Variants in ABL2 observed in about 807,000 individuals in gnomAD.
The protein encoded by ABL2 is ABL proto-oncogene 2, non-receptor tyrosine kinase, also known as tyrosine-protein kinase ABL2.
In ABL2, 49 loss-of-function variants were observed where a neutral mutation model predicts 107.7. The observed-to-expected ratio is 0.45, with a 90% CI of 0.36 to 0.58. The LOEUF is 0.58. Among genes scored for constraint, ABL2 ranks in the 20% least tolerant of loss-of-function variants. ABL2 has a pLI of 0.00. For synonymous variants in ABL2, 549 were observed against 548.6 expected, an observed-to-expected ratio of 1.00 and a Z score of -0.01; for missense variants, 1,245 against 1,457.0, an observed-to-expected ratio of 0.85 and a Z score of 2.37.
chr1:179,153,010 C>G (rs183971232), intron 1 of ABL2, among the ~76,000 whole-genome samples: 1 of 152,066 alleles, frequency 6.6e-6, no homozygotes, highest in Non-Finnish European at 1.5e-5. Context: ...TGGGGTATTT[C>G]CATTAAGGAC....
Position 179,103,380 on chromosome 1 carries a change from C to T in ABL2, c.*4338G>A, listed in dbSNP as rs567524461. The T allele has an allele frequency of 3.8e-4, 77 of 204,640 alleles. 1 individual carries two copies. The highest frequency in any genetic ancestry group is 1.6e-3 in the African/African-American group (71 of 43,850). The allele number at this position is 204,640 out of a possible 1,614,324, so 12.7% of individuals were successfully genotyped here. A position where few individuals can be genotyped will look rare whatever the true frequency, so the allele number is the denominator to read the frequency against. ...TGTCTTATCTTTTAAACAGACAATACTACAACCTTATAGTTATATTACAGT... is the reference window on the plus strand; with the variant it reads ...TGTCTTATCTTTTAAACAGACAATATTACAACCTTATAGTTATATTACAGT... On this transcript the variant is annotated 3_prime_UTR_variant, in exon 12 of 12. Coordinates refer to ENST00000502732, the MANE Select transcript of ABL2 (RefSeq NM_007314.4).
intron 1 of ABL2, among the ~76,000 whole-genome samples, chr1:179,222,899 C>T (rs905663165): frequency 6.6e-6 from 1 of 151,670 alleles, no homozygotes; most frequent in African/African-American, 2.4e-5. Flanking sequence ...TCATTTGAGG[C>T]CAGGAGTTCG....
chr1:179,218,301 A>G (rs1319549810), intron 1 of ABL2, among the ~76,000 whole-genome samples: 3 of 152,246 alleles, frequency 2.0e-5, no homozygotes, highest in Non-Finnish European at 4.4e-5. Context: ...GGACACTAAT[A>G]GGCTAGGAAC....
At chr1:179,128,925 T>C (rs1258733798) in intron 3 of ABL2, among the ~76,000 whole-genome samples, 2 of 151,668 alleles carry the variant, frequency 1.3e-5, no homozygotes, top group Non-Finnish European at 2.9e-5. Context: ...GCTCACGCAA[T>C]CCTCCTGCCT....
chr1:179,156,316 C>T (rs79040182), intron 1 of ABL2, among the ~76,000 whole-genome samples: 3,610 of 152,298 alleles, frequency 0.024, 112 homozygotes, highest in Admixed American at 0.064. Context: ...TCAGCAGCTA[C>T]TGGCTACCCA....
intron 7 of ABL2, 127 bp from the exon 8 acceptor site, chr1:179,117,643 T>G (rs2102614094): frequency 1.2e-6 from 1 of 830,596 alleles, no homozygotes; most frequent in East Asian, 2.6e-5. Context: ...TAGTATCTTC[T>G]GATAATCACT....
Position 179,172,858 on chromosome 1 carries a change from T to C in ABL2, c.158-39484A>G, listed in dbSNP as rs1341331566. On this transcript the variant is annotated intron_variant, in intron 1 of 11. Coordinates refer to ENST00000502732, the MANE Select transcript of ABL2 (RefSeq NM_007314.4). The stretch of plus-strand genomic sequence containing the variant: ...ATGTGGTACTTTGCACTGTAAAACA[T>C]AGATACAGTAAGCCCTGAGTATTTA... Among the ~76,000 whole-genome samples the C allele has an allele frequency of 2.0e-5, 3 of 152,152 alleles. No homozygotes were observed. The East Asian group carries it at 5.8e-4, about 29-fold the overall frequency.
At position 179,131,361 on chromosome 1, in the gene ABL2, G is replaced by C. The variant is rs1028542505; in HGVS notation, c.341C>G (p.Ala114Gly). Residue 114 changes from alanine (A) to glycine (G), a missense_variant, in exon 3 of 12, where the codon GCA becomes GGA. This residue lies in a region of ABL2 where 320 missense variants were observed against 547.0 expected (regional missense o/e 0.59). Coordinates refer to ENST00000502732, the MANE Select transcript of ABL2 (RefSeq NM_007314.4). ...ACCACTTGCTACAAAATCATAAAGT[G>C]CAACGAAGAGATTAGGGTCACTCTC... is the stretch of plus-strand genomic sequence containing the variant. The part of the protein sequence containing the change: ...ATESDPNLFV[A>G]LYDFVASGDN... 1 of 1,614,146 alleles carries C rather than the reference G, an allele frequency of 6.2e-7. No homozygotes were observed. Among genetic ancestry groups the C allele is most frequent in the African/African-American group, 1.3e-5 (1 of 75,048 alleles).
intron 1 of ABL2, among the ~76,000 whole-genome samples, chr1:179,147,358 C>T (rs962241254): frequency 4.6e-5 from 7 of 152,148 alleles, no homozygotes; most frequent in Admixed American, 4.6e-4. Flanking sequence ...AATCCCACTA[C>T]TGGGTATCTA....
intron 1 of ABL2, among the ~76,000 whole-genome samples, chr1:179,175,407 T>G (rs1163250082): frequency 6.6e-6 from 1 of 152,192 alleles, no homozygotes; most frequent in Non-Finnish European, 1.5e-5. Flanking sequence ...CTCTGTTCCC[T>G]GCCCTGCCCA....
chr1:179,215,808 C>T (rs997663622), intron 1 of ABL2, among the ~76,000 whole-genome samples: 32 of 151,696 alleles, frequency 2.1e-4, no homozygotes, highest in African/African-American at 7.5e-4. Context: ...ATGAGTGATA[C>T]AAATTGTACT....
intron 1 of ABL2, among the ~76,000 whole-genome samples, chr1:179,168,366 T>A (rs1659515444): frequency 6.6e-6 from 1 of 152,216 alleles, no homozygotes; most frequent in African/African-American, 2.4e-5. Context: ...CATAAATAGT[T>A]GTTATACTGT....
intron 1 of ABL2, among the ~76,000 whole-genome samples, chr1:179,156,875 C>T (rs995356702): frequency 2.1e-5 from 3 of 142,562 alleles, no homozygotes; most frequent in African/African-American, 8.1e-5. Flanking sequence ...GAGTGAGAGT[C>T]TGTCTCAAAA....
At position 179,110,433 on chromosome 1, in the gene ABL2, T is replaced by G; in HGVS notation, c.1674A>C (p.Arg558Ser). The change falls in exon 11 of 12, where the codon AGA (arginine) becomes AGC (serine). Residue 558 changes from arginine (R) to serine (S), a missense_variant. Arg to Ser is a moderately radical substitution (Grantham distance 110). Around this residue, in one of 3 missense-constraint regions of ABL2, gnomAD observed 761 missense variants for 766.4 expected, o/e 0.99. Transcript: ENST00000502732. ...ISEEVAEELG[R>S]AASSSSVVPY... ...GAACAACAGATGACGAGGAGGCGGC[T>G]CTCCCAAGCTCCTCAGCTACCTCTG... 1 of 1,613,024 alleles carries G rather than the reference T, an allele frequency of 6.2e-7. No homozygotes were observed. Among genetic ancestry groups the G allele is most frequent in the Non-Finnish European group, 8.5e-7 (1 of 1,179,768 alleles).
rs936961430 is a variant in ABL2 at position 179,103,319 on chromosome 1, C to T, written c.*4399G>A. On this transcript the variant is annotated 3_prime_UTR_variant, in exon 12 of 12. Transcript: ENST00000502732. ...GGTGATTCTTACGTATCTACATTTT[C>T]AGGTACCCCACAGGGTCCATCCACA... 4.8e-6 allele frequency: 1 copy of T among 206,714 alleles called. No individual in the cohort carries two copies. The highest frequency in any genetic ancestry group is 9.9e-6 in the Non-Finnish European group (1 of 101,308). The allele number at this position is 206,714 out of a possible 1,614,324, so 12.8% of individuals were successfully genotyped here.
chr1:179,192,920 C>G lies in ABL2; in HGVS notation c.157+36321G>C, dbSNP rs139532136. Among the ~76,000 whole-genome samples the G allele has an allele frequency of 2.6e-5, 4 of 152,230 alleles. No individual in the cohort carries two copies. The East Asian group carries it at 7.7e-4, about 29-fold the overall frequency. ...CACTGTATTATGTCTATTTGAATTA[C>G]TACTTAAATTACTAGAAAGAAATCA... On this transcript the variant is annotated intron_variant, in intron 1 of 11. Transcript: ENST00000502732.
In ABL2 at chr1:179,132,326, T is replaced by A. The variant is rs545919467; in HGVS notation, c.221-845A>T. ...AGTTTCTAAATTTATTCATAGTACA[T>A]AGCACAGGTGATCCCTATACCATCT... On this transcript the variant is annotated intron_variant, in intron 2 of 11. Transcript: ENST00000502732. 3.9e-5 allele frequency among the ~76,000 whole-genome samples: 6 copies of A among 152,290 alleles called. No individual in the cohort carries two copies. In the South Asian group the frequency reaches 1.2e-3, roughly 32 times the overall value.
intron 1 of ABL2, among the ~76,000 whole-genome samples, chr1:179,224,585 T>A (rs1464228400): frequency 1.3e-5 from 2 of 151,974 alleles, no homozygotes; most frequent in African/African-American, 4.8e-5. Flanking sequence ...TAATTTTTAA[T>A]AGAATTTTTA....
intron 1 of ABL2, among the ~76,000 whole-genome samples, chr1:179,199,941 A>C (rs1269096581): frequency 1.3e-5 from 2 of 151,502 alleles, no homozygotes; most frequent in African/African-American, 2.4e-5. Context: ...GTGTTGCCTA[A>C]GCTGGTCTCA....
Sources: allele counts gnomAD v4.1 joint callset (sites outside exome capture counted in the v4.1 genomes callset), GRCh38; gene constraint gnomAD v4.1.1; regional missense constraint gnomAD v4.1.1; transcripts MANE v1.5; gene names NCBI Gene and HGNC (gene_info 2026-07-23, HGNC 2026-07-21).